ENOX2: variants seen among roughly 807,000 people sequenced by gnomAD.
ENOX2 encodes the protein APK1 antigen.
Under a neutral mutation model 45.0 loss-of-function variants are expected in ENOX2, and 36 were observed. That is an observed-to-expected ratio of 0.80 (90% CI 0.61 to 1.06). The LOEUF is 1.06. Among genes scored for constraint, ENOX2 ranks in the 50% least tolerant of loss-of-function variants. ENOX2 has a pLI of 0.00. For missense variants in ENOX2, 423 were observed against 462.5 expected, an observed-to-expected ratio of 0.91 and a Z score of 0.78; for synonymous variants, 174 against 152.3, an observed-to-expected ratio of 1.14 and a Z score of -1.05.
chrX:130,725,717 T>G (rs16999756), intron 3 of ENOX2, among the ~76,000 whole-genome samples: 2 of 110,403 alleles, frequency 1.8e-5, no homozygotes, highest in Admixed American at 9.7e-5. Flanking sequence ...GTTTGCAGGA[T>G]TACTAGTGAA....
chrX:130,851,541 G>C (rs886178042), intron 2 of ENOX2, among the ~76,000 whole-genome samples: 1 of 107,636 alleles, frequency 9.3e-6, no homozygotes, highest in Non-Finnish European at 1.9e-5. Flanking sequence ...TCAATCTATG[G>C]TGCCTGATAC....
At position 130,864,278 on chromosome X, in the gene ENOX2, T is replaced by C. The variant is rs761732303; in HGVS notation, c.-183+37406A>G. Among the ~76,000 whole-genome samples, 114 of 110,831 alleles carry C rather than the reference T, an allele frequency of 1.0e-3. 2 individuals are homozygous for C. Among genetic ancestry groups the C allele is most frequent in the Non-Finnish European group, 2.1e-4 (11 of 52,937 alleles). On this transcript the variant is annotated intron_variant, in intron 2 of 14. Coordinates refer to ENST00000394363, the MANE Select transcript of ENOX2 (RefSeq NM_006375.4). ...ACCCTCTCTGGGGTAGCCACTGACA[T>C]TTCATGGGTTAGCCCTATGGAGAAG...
rs73635933 is a variant in ENOX2, at chrX:130,633,437, A to C, written c.1419+1547T>G. 4.1e-3 allele frequency among the ~76,000 whole-genome samples: 461 copies of C among 112,617 alleles called. 3 individuals carry two copies. Among genetic ancestry groups the C allele is most frequent in the African/African-American group, 0.014 (447 of 31,024 alleles). ...GAACTGTCATGAATTTCTCTAAAAG[A>C]AGCTTTGCTTAAAATAACAAGAAAA... On this transcript the variant is annotated intron_variant, in intron 12 of 14. Transcript: ENST00000394363.
At chrX:130,775,393 C>T (rs764419769) in intron 3 of ENOX2, among the ~76,000 whole-genome samples, 1 of 109,862 alleles carries the variant, frequency 9.1e-6, no homozygotes, top group Non-Finnish European at 1.9e-5. Context: ...AAAAAAAATA[C>T]TAATATTATA....
intron 3 of ENOX2, among the ~76,000 whole-genome samples, chrX:130,727,853 G>C (rs2038642069): frequency 8.9e-6 from 1 of 111,881 alleles, no homozygotes. Context: ...ATACGAGCTA[G>C]GGCTAGGCAA....
intron 3 of ENOX2, among the ~76,000 whole-genome samples, chrX:130,741,779 G>C (rs764733974): frequency 9.0e-6 from 1 of 111,248 alleles, no homozygotes; most frequent in African/African-American, 3.3e-5. Context: ...CAGAAAAACA[G>C]ATGGATACAC....
intron 2 of ENOX2, among the ~76,000 whole-genome samples, chrX:130,871,589 G>A (rs2078591293): frequency 9.0e-6 from 1 of 111,509 alleles, no homozygotes; most frequent in African/African-American, 3.3e-5. Flanking sequence ...TTTGAGTCAG[G>A]TGAGTTGAAT....
At chrX:130,786,369 G>C (rs983742683) in intron 2 of ENOX2, among the ~76,000 whole-genome samples, 11 of 111,453 alleles carry the variant, frequency 9.9e-5, no homozygotes, top group Non-Finnish European at 2.1e-4. Context: ...TCTGATTAAT[G>C]ACGGTGAAAC....
intron 2 of ENOX2, among the ~76,000 whole-genome samples, chrX:130,791,702 G>T (rs2077045630): frequency 8.9e-6 from 1 of 111,841 alleles, no homozygotes; most frequent in Admixed American, 9.5e-5. Context: ...AAAGGAAGAA[G>T]GAAGTAAGGT....
chrX:130,842,389 A>C (rs1217241458), intron 2 of ENOX2, among the ~76,000 whole-genome samples: 1 of 112,307 alleles, frequency 8.9e-6, no homozygotes, highest in Admixed American at 9.4e-5. Flanking sequence ...AAATGAGATG[A>C]TTAATTCAAA....
rs747611678 is a variant in ENOX2 at position 130,819,580 on chromosome X, T to C, written c.-182-35890A>G. On this transcript the variant is annotated intron_variant, in intron 2 of 14. Coordinates refer to ENST00000394363, the MANE Select transcript of ENOX2 (RefSeq NM_006375.4). Reference sequence around the variant, plus strand: ...TGAGTTCATGTCTTTTGCAGGGACATGGATGAAGCTGGAAAGCATCCTTCT... The same window carrying C: ...TGAGTTCATGTCTTTTGCAGGGACACGGATGAAGCTGGAAAGCATCCTTCT... Among the ~76,000 whole-genome samples the C allele has an allele frequency of 2.7e-4, 30 of 111,805 alleles. No homozygotes were observed. In the South Asian group the frequency reaches 0.011, roughly 41 times the overall value.
At chrX:130,790,824 A>T (rs2077032460) in intron 2 of ENOX2, among the ~76,000 whole-genome samples, 1 of 112,392 alleles carries the variant, frequency 8.9e-6, no homozygotes, top group Non-Finnish European at 1.9e-5. Flanking sequence ...GAGAGAGGGG[A>T]ACTACCCATC....
At chrX:130,677,589 C>G (rs1222618462) in intron 6 of ENOX2, among the ~76,000 whole-genome samples, 1 of 110,993 alleles carries the variant, frequency 9.0e-6, no homozygotes, top group Non-Finnish European at 1.9e-5. Context: ...GTCATGAAGT[C>G]TCTGTCCTCA....
chrX:130,756,752 C>T (rs1205514060), intron 3 of ENOX2, among the ~76,000 whole-genome samples: 2 of 112,014 alleles, frequency 1.8e-5, no homozygotes, highest in African/African-American at 6.5e-5. Context: ...ATACTCTGCC[C>T]GTTTTCTGGA....
intron 3 of ENOX2, among the ~76,000 whole-genome samples, chrX:130,712,703 T>G (rs1298870810): frequency 9.0e-6 from 1 of 111,663 alleles, no homozygotes; most frequent in African/African-American, 3.3e-5. Context: ...TATAAAACCC[T>G]AGGTCCAAAG....
At chrX:130,831,737 A>G (rs1476103869) in intron 2 of ENOX2, among the ~76,000 whole-genome samples, 1 of 111,855 alleles carries the variant, frequency 8.9e-6, no homozygotes, top group Non-Finnish European at 1.9e-5. Context: ...TATTTTATGC[A>G]TATATTTATG....
chrX:130,635,006 A>AT lies in ENOX2; in HGVS notation c.1396dup (p.Met466AsnfsTer6), dbSNP rs1210424153. 2 of 1,179,432 alleles carry AT rather than the reference A, an allele frequency of 1.7e-6. No homozygotes were observed. Among genetic ancestry groups the AT allele is most frequent in the African/African-American group, 3.5e-5 (2 of 56,342 alleles). On this transcript the variant is annotated frameshift_variant, in exon 12 of 15. Transcript: ENST00000394363. LOFTEE classifies it high-confidence loss of function. ...TACCTTTTCTTTAAGATTTTCCAAC[A>AT]TTTTTTCCACCTGTAACTTGTCATC...
At chrX:130,776,984 C>T (rs1391423496) in intron 3 of ENOX2, among the ~76,000 whole-genome samples, 1 of 112,096 alleles carries the variant, frequency 8.9e-6, no homozygotes, top group African/African-American at 3.2e-5. Context: ...ACCAGGTGAG[C>T]TTGTGACAAA....
intron 2 of ENOX2, among the ~76,000 whole-genome samples, chrX:130,831,562 G>A (rs2077828922): frequency 9.0e-6 from 1 of 110,983 alleles, no homozygotes; most frequent in Non-Finnish European, 1.9e-5. Context: ...AGAGACCTGT[G>A]CTTGCTGTTC....
Sources: allele counts gnomAD v4.1 joint callset (sites outside exome capture counted in the v4.1 genomes callset), GRCh38; gene constraint gnomAD v4.1.1; transcripts MANE v1.5; gene names NCBI Gene and HGNC (gene_info 2026-07-23, HGNC 2026-07-21).